DGLUCY: variants seen among roughly 807,000 people sequenced by gnomAD.
The protein encoded by DGLUCY is D-glutamate cyclase.
Under a neutral mutation model 58.5 loss-of-function variants are expected in DGLUCY, and 58 were observed. The ratio of observed to expected loss-of-function variants is 0.99; its 90% CI spans 0.80 to 1.23. The LOEUF (loss-of-function observed/expected upper bound fraction) is 1.23. Ranked by LOEUF, DGLUCY falls within the 50% of genes most tolerant of loss-of-function variation. The pLI, the probability that DGLUCY is intolerant of heterozygous loss-of-function variation, is 0.00. For synonymous variants in DGLUCY, 325 were observed against 314.1 expected (o/e 1.03, Z -0.37); for missense variants, 779 against 784.7 (o/e 0.99, Z 0.09).
intron 1 of DGLUCY, among the ~76,000 whole-genome samples, chr14:91,143,075 CTTTT>C (rs1193335088): frequency 2.2e-5 from 3 of 138,826 alleles, no homozygotes; most frequent in South Asian, 2.4e-4. Context: ...TTTGGCAGTT[CTTTT>C]TTTGTTTTGT....
chr14:91,117,308 T>C (rs1298979628), intron 1 of DGLUCY, among the ~76,000 whole-genome samples: 1 of 152,210 alleles, frequency 6.6e-6, no homozygotes, highest in East Asian at 1.9e-4. Context: ...GCAGGGTCTT[T>C]GTGACCTGTA....
chr14:91,159,369 G>A (rs2047850927), intron 2 of DGLUCY, among the ~76,000 whole-genome samples: 1 of 152,088 alleles, frequency 6.6e-6, no homozygotes, highest in African/African-American at 2.4e-5. Flanking sequence ...ATCTCTTGAA[G>A]CCAGGAGGCG....
rs1470605861 is a variant in DGLUCY, at chr14:91,218,682, C to T, written c.1716+3126C>T. On this transcript the variant is annotated intron_variant, in intron 13 of 13. Coordinates refer to ENST00000256324, the MANE Select transcript of DGLUCY (RefSeq NM_001102368.3). ...CCTCCCAAAGTGCTGAGATTACAGG[C>T]GTGAGCCACCACACCTGGCCTAAAA... Among the ~76,000 whole-genome samples the T allele has an allele frequency of 3.3e-5, 5 of 152,028 alleles. No homozygotes were observed. In the East Asian group the frequency reaches 5.9e-4, roughly 18 times the overall value.
At chr14:91,182,170 G>A (rs1178452694) in intron 8 of DGLUCY, among the ~76,000 whole-genome samples, 8 of 149,044 alleles carry the variant, frequency 5.4e-5, no homozygotes, top group Non-Finnish European at 8.9e-5. Context: ...TAGTAGAGTC[G>A]AGGTTTCACC....
intron 1 of DGLUCY, among the ~76,000 whole-genome samples, chr14:91,116,960 G>A (rs1333695043): frequency 1.3e-5 from 2 of 149,998 alleles, no homozygotes; most frequent in Admixed American, 6.6e-5. Context: ...AAAAAAGAAC[G>A]GCTACTCCAT....
At chr14:91,103,412 G>A (rs891635457), upstream of DGLUCY, among the ~76,000 whole-genome samples, 2 of 151,950 alleles carry the variant, frequency 1.3e-5, no homozygotes, top group Non-Finnish European at 2.9e-5. Flanking sequence ...CTCCTCCTCC[G>A]TCTCCATCCC....
At chr14:91,157,488 G>A (rs912475552) in intron 1 of DGLUCY, among the ~76,000 whole-genome samples, 151 bp from the exon 2 acceptor site, 3 of 152,196 alleles carry the variant, frequency 2.0e-5, no homozygotes, top group African/African-American at 7.2e-5. Flanking sequence ...TGGGACTATA[G>A]TGACAAACTA....
At position 91,108,526 on chromosome 14, in the gene DGLUCY, T is replaced by TGAGAGAGAGA. The variant is rs1194090963; in HGVS notation, c.-82+490_-82+499dup. On this transcript the variant is annotated intron_variant, in intron 1 of 4. Coordinates refer to the DGLUCY transcript ENST00000518871. ...GTGTGTGTGTGTGTGTGTGTGTGTG[T>TGAGAGAGAGA]GAGAGAGAGAGAGAGAGAGAGAGAG... Among the ~76,000 whole-genome samples, 72 of 52,178 alleles carry TGAGAGAGAGA rather than the reference T, an allele frequency of 1.4e-3. 1 individual carries two copies. The highest frequency in any genetic ancestry group is 3.5e-3 in the East Asian group (4 of 1,142). The allele number at this position is 52,178 out of a possible 152,430, so 34.2% of individuals were successfully genotyped here.
intron 1 of DGLUCY, among the ~76,000 whole-genome samples, chr14:91,082,961 T>C (rs977711279): frequency 6.6e-6 from 1 of 152,122 alleles, no homozygotes; most frequent in Admixed American, 6.6e-5. Context: ...TCTCACTATG[T>C]TGCCCAGGTG....
Position 91,170,269 on chromosome 14 carries a change from T to C in DGLUCY, c.456+68T>C, listed in dbSNP as rs931123659. The C allele has an allele frequency of 3.0e-5, 46 of 1,527,378 alleles. No homozygotes were observed. In the African/African-American group the frequency reaches 6.2e-4, roughly 20 times the overall value. The allele number at this position is 1,527,378 out of a possible 1,614,324, so 94.6% of individuals were successfully genotyped here. A position where few individuals can be genotyped will look rare whatever the true frequency, so the allele number is the denominator to read the frequency against. On this transcript the variant is annotated intron_variant, in intron 5 of 13. Coordinates refer to ENST00000256324, the MANE Select transcript of DGLUCY (RefSeq NM_001102368.3). ...AGATGCAGATCAACTTACATATTCC[T>C]GGGGTGGGGAGAACATGGGCACGGG...
At chr14:91,214,809 C>T (rs974836980) in intron 12 of DGLUCY, among the ~76,000 whole-genome samples, 1 of 151,858 alleles carries the variant, frequency 6.6e-6, no homozygotes, top group Non-Finnish European at 1.5e-5. Flanking sequence ...GAGCTATGGT[C>T]GTGCTAGCCT....
chr14:91,215,333 G>A (rs989659686), intron 12 of DGLUCY, 72 bp from the exon 13 acceptor site: 2 of 1,540,950 alleles, frequency 1.3e-6, no homozygotes, highest in Non-Finnish European at 1.8e-6. Context: ...AGATAGTTCT[G>A]CTTCCTAGAG....
intron 3 of DGLUCY, among the ~76,000 whole-genome samples, chr14:91,163,667 T>G (rs1252484290): frequency 6.6e-6 from 1 of 152,138 alleles, no homozygotes; most frequent in Non-Finnish European, 1.5e-5. Flanking sequence ...CACTCCGTGA[T>G]GAAATGAGGC....
chr14:91,060,766 C>T (rs1184982883), intron 1 of DGLUCY: 9 of 218,392 alleles, frequency 4.1e-5, no homozygotes, highest in South Asian at 3.2e-4. Flanking sequence ...TCTGCCAACG[C>T]CGGTTCCCAT....
At chr14:91,060,374 C>T (rs768768064) in exon 1 of DGLUCY, 2 of 1,506,944 alleles carry the variant, frequency 1.3e-6, no homozygotes, top group South Asian at 1.3e-5. Context: ...TGCTCTCCTC[C>T]GTCGCCGCCG....
intron 13 of DGLUCY, among the ~76,000 whole-genome samples, chr14:91,223,066 A>G (rs1355881076): frequency 6.6e-6 from 1 of 152,206 alleles, no homozygotes; most frequent in Non-Finnish European, 1.5e-5. Flanking sequence ...AATTCCAACA[A>G]TTGAGGATTA....
At chr14:91,095,189 C>T (rs1032020345) in intron 1 of DGLUCY, among the ~76,000 whole-genome samples, 3 of 152,200 alleles carry the variant, frequency 2.0e-5, no homozygotes, top group Non-Finnish European at 2.9e-5. Context: ...CCATCCTCGG[C>T]GGTCCTGCCT....
exon 1 of DGLUCY, chr14:91,060,500 C>T (rs142744185): frequency 2.4e-6 from 3 of 1,266,388 alleles, no homozygotes; most frequent in Non-Finnish European, 2.0e-6. Context: ...GGACGCCCGT[C>T]CCCTCGCAGC....
chr14:91,198,905 A>C (rs1047337215), intron 10 of DGLUCY, among the ~76,000 whole-genome samples: 3 of 152,210 alleles, frequency 2.0e-5, no homozygotes, highest in African/African-American at 7.2e-5. Flanking sequence ...ACCTGGAATC[A>C]GAACCCAGAT....
Sources: gnomAD v4.1 joint callset for allele counts (sites outside exome capture counted in the v4.1 genomes callset) on GRCh38, gnomAD v4.1.1 for gene constraint, MANE v1.5 for transcripts, NCBI Gene and HGNC (gene_info 2026-07-23, HGNC 2026-07-21) for gene names.